Variants in CHST8 observed in about 807,000 individuals in gnomAD.
CHST8 encodes the protein carbohydrate sulfotransferase 8.
In CHST8, 10 loss-of-function variants were observed where a neutral mutation model predicts 15.0. That is an observed-to-expected ratio of 0.67 (90% confidence interval 0.41 to 1.13). The LOEUF is 1.13. Ranked by LOEUF, CHST8 falls within the 50% of genes most tolerant of loss-of-function variation. The pLI, the probability that CHST8 is intolerant of heterozygous loss-of-function variation, is 0.00. For synonymous variants in CHST8, 259 were observed against 256.6 expected (o/e 1.01, Z -0.09); for missense variants, 634 against 608.2 (o/e 1.04, Z -0.45).
intron 3 of CHST8, among the ~76,000 whole-genome samples, chr19:33,690,644 G>A (rs943596660): frequency 1.3e-4 from 20 of 152,314 alleles, no homozygotes; most frequent in African/African-American, 3.4e-4. Context: ...GCTGACTCAC[G>A]CCTGTGCCGG....
chr19:33,761,201 T>A (rs1974720185), intron 3 of CHST8, among the ~76,000 whole-genome samples: 1 of 152,198 alleles, frequency 6.6e-6, no homozygotes, highest in Non-Finnish European at 1.5e-5. Flanking sequence ...CAGGCCCACA[T>A]GTGTTGAAGG....
chr19:33,756,450 G>A (rs1452930316), intron 3 of CHST8, among the ~76,000 whole-genome samples: 1 of 152,122 alleles, frequency 6.6e-6, no homozygotes, highest in South Asian at 2.1e-4. Flanking sequence ...ACCTGCAGGT[G>A]CTGCTCGAGT....
intron 1 of CHST8, among the ~76,000 whole-genome samples, chr19:33,640,921 A>G (rs1390292355): frequency 6.6e-6 from 1 of 152,028 alleles, no homozygotes; most frequent in African/African-American, 2.4e-5. Flanking sequence ...CGGGATGGGA[A>G]CTGCCCTGGG....
At chr19:33,672,764 G>A (rs1267017899) in intron 2 of CHST8, among the ~76,000 whole-genome samples, 1 of 152,182 alleles carries the variant, frequency 6.6e-6, no homozygotes, top group Non-Finnish European at 1.5e-5. Flanking sequence ...AGAGCAGGAC[G>A]CTTGGCGTGG....
chr19:33,688,972 G>C (rs1223878885), intron 2 of CHST8, among the ~76,000 whole-genome samples: 1 of 152,122 alleles, frequency 6.6e-6, no homozygotes, highest in Non-Finnish European at 1.5e-5. Context: ...AGGAGACCCT[G>C]GTGGAAAGCT....
At chr19:33,655,122 C>T (rs147666871) in intron 1 of CHST8, among the ~76,000 whole-genome samples, 137 of 152,204 alleles carry the variant, frequency 9.0e-4, no homozygotes, top group East Asian at 1.4e-3. Flanking sequence ...CTGCAGCCTC[C>T]GCCTCCCGGG....
intron 3 of CHST8, among the ~76,000 whole-genome samples, chr19:33,723,688 T>C (rs768207005): frequency 1.3e-5 from 2 of 152,182 alleles, no homozygotes; most frequent in Non-Finnish European, 2.9e-5. Context: ...AGGGACAGCA[T>C]CAGGTAGGGC....
At chr19:33,676,996 G>T (rs1972818493) in intron 2 of CHST8, among the ~76,000 whole-genome samples, 1 of 152,154 alleles carries the variant, frequency 6.6e-6, no homozygotes. Context: ...TTATGAAAGT[G>T]TCTTGTGGTT....
intron 1 of CHST8, among the ~76,000 whole-genome samples, chr19:33,659,146 G>C (rs1452694005): frequency 7.4e-6 from 1 of 135,744 alleles, no homozygotes; most frequent in African/African-American, 2.8e-5. Context: ...GCTCACTGTA[G>C]CCTCCGCCTC....
chr19:33,729,246 G>A (rs1175557819), intron 3 of CHST8, among the ~76,000 whole-genome samples: 2 of 152,248 alleles, frequency 1.3e-5, no homozygotes, highest in African/African-American at 4.8e-5. Flanking sequence ...AACAACTGAG[G>A]GAGGATCTGT....
rs752382180 is a variant in CHST8, at chr19:33,689,370, C to A, written c.109C>A (p.Leu37Ile). The change falls in exon 3 of 5, where the codon CTC becomes ATC. Residue 37 changes from leucine (L) to isoleucine (I), a missense_variant. Physicochemically the swap from Leu to Ile is conservative, Grantham distance 5. Coordinates refer to ENST00000650847, the MANE Select transcript of CHST8 (RefSeq NM_001127895.2). ...CATCAGCCTGCAGGACCCTACGGAG[C>A]TCGCCCCCCAGCAGGTGCCAGGTGA... The part of the protein sequence containing the change: ...LFISLQDPTE[L>I]APQQVPGIKF... 5.6e-6 allele frequency: 9 copies of A among 1,601,740 alleles called. No individual in the cohort carries two copies. The highest frequency in any genetic ancestry group is 1.7e-5 in the Admixed American group (1 of 58,754).
At chr19:33,694,169 C>CAT (rs397842550) in intron 3 of CHST8, among the ~76,000 whole-genome samples, 55 of 40,150 alleles carry the variant, frequency 1.4e-3, no homozygotes, top group South Asian at 3.8e-3. Context: ...GTAGTTTATT[C>CAT]ATATATATAT....
chr19:33,709,751 A>G (rs543328637), intron 3 of CHST8, among the ~76,000 whole-genome samples: 5 of 152,204 alleles, frequency 3.3e-5, no homozygotes, highest in African/African-American at 1.2e-4. Context: ...ATTTCTCTGG[A>G]ATAGTTTAGG....
chr19:33,662,203 C>G lies in CHST8; in HGVS notation c.-163-5564C>G, dbSNP rs1972597103. Among the ~76,000 whole-genome samples, 3 of 152,122 alleles carry G rather than the reference C, an allele frequency of 2.0e-5. No homozygotes were observed. In the South Asian group the frequency reaches 6.2e-4, roughly 32 times the overall value. On this transcript the variant is annotated intron_variant, in intron 1 of 4. Transcript: ENST00000650847. ...TCAAGCAGTTCTCTCGCATCAGCCCCCAGTAGCTGGGACTAAGACGCGCGC... is the reference window on the plus strand; with the variant it reads ...TCAAGCAGTTCTCTCGCATCAGCCCGCAGTAGCTGGGACTAAGACGCGCGC...
At chr19:33,733,289 A>G (rs1326581516) in intron 3 of CHST8, among the ~76,000 whole-genome samples, 1 of 145,650 alleles carries the variant, frequency 6.9e-6, no homozygotes, top group East Asian at 2.0e-4. Flanking sequence ...GCTGGAGTGC[A>G]ATGACATGAT....
intron 3 of CHST8, among the ~76,000 whole-genome samples, chr19:33,709,206 A>C (rs922190051): frequency 1.3e-5 from 2 of 152,122 alleles, no homozygotes; most frequent in African/African-American, 2.4e-5. Flanking sequence ...AATGCCTTTT[A>C]TTTCTTTTTC....
At chr19:33,699,633 A>G (rs539680770) in intron 3 of CHST8, among the ~76,000 whole-genome samples, 2 of 152,248 alleles carry the variant, frequency 1.3e-5, no homozygotes, top group East Asian at 1.9e-4. Context: ...CTAGAAATGA[A>G]TAGAGCCAGA....
chr19:33,751,800 T>G (rs1974426684), intron 3 of CHST8, among the ~76,000 whole-genome samples: 1 of 152,224 alleles, frequency 6.6e-6, no homozygotes, highest in African/African-American at 2.4e-5. Flanking sequence ...TAGTAAAACC[T>G]ATCCTGCTGA....
intron 2 of CHST8, among the ~76,000 whole-genome samples, chr19:33,687,600 G>C (rs556205121): frequency 6.6e-6 from 1 of 152,172 alleles, no homozygotes; most frequent in Non-Finnish European, 1.5e-5. Flanking sequence ...GTGCCTTCCC[G>C]GTGCGGAGAG....
Sources: allele counts gnomAD v4.1 joint callset (sites outside exome capture counted in the v4.1 genomes callset), GRCh38; gene constraint gnomAD v4.1.1; transcripts MANE v1.5; gene names NCBI Gene and HGNC (gene_info 2026-07-23, HGNC 2026-07-21).